SERPINA12: variants seen among roughly 807,000 people sequenced by gnomAD.
The protein encoded by SERPINA12 is serpin family A member 12, also known as serpin A12.
Under a neutral mutation model 25.9 loss-of-function variants are expected in SERPINA12, and 21 were observed. That is an observed-to-expected ratio of 0.81 (90% CI 0.58 to 1.17). The LOEUF (loss-of-function observed/expected upper bound fraction) is 1.17, where lower values mean the gene tolerates loss of function less well. Ranked by LOEUF, SERPINA12 falls within the 50% of genes most tolerant of loss-of-function variation. The probability of loss-of-function intolerance (pLI) is 0.00; values close to 1 mark genes in which losing one functional copy is unlikely to be tolerated. For synonymous variants in SERPINA12, 220 were observed against 196.0 expected, an observed-to-expected ratio of 1.12 and a Z score of -1.02; for missense variants, 562 against 508.3, an observed-to-expected ratio of 1.11 and a Z score of -1.02.
chr14:94,489,640 G>A lies in SERPINA12; in HGVS notation c.1033C>T (p.Arg345Cys), dbSNP rs369274676. The A allele has an allele frequency of 2.5e-5, 41 of 1,614,000 alleles. No individual in the cohort carries two copies. Among genetic ancestry groups the A allele is most frequent in the African/African-American group, 1.6e-4 (12 of 74,926 alleles). Residue 345 changes from arginine to cysteine, a missense_variant, in exon 4 of 5, where the codon CGC becomes TGC. Arg to Cys is a radical substitution (Grantham distance 180). Transcript: ENST00000677451. ...CTTACCTCGCCCACTTTCAGGCTGC[G>A]ATGAGGGGCGATCTTGGTGAGATCA... ...HGDLTKIAPH[R>C]SLKVGEAVHK...
rs74077728 is a variant in SERPINA12, at chr14:94,496,343, A to G, written c.905+30T>C. ...ATAAGAGGGAAGACAAGAGAAGGAA[A>G]AAGCTGCGAGGGCTAGGCACCCACT... On this transcript the variant is annotated intron_variant, in intron 3 of 4. Transcript: ENST00000677451. 4.5e-4 allele frequency: 718 copies of G among 1,613,318 alleles called. 1 individual carries two copies. In the African/African-American group the frequency reaches 5.2e-3, roughly 12 times the overall value.
chr14:94,501,072 C>A lies in SERPINA12; in HGVS notation c.-33-2642G>T, dbSNP rs191767025. On this transcript the variant is annotated intron_variant, in intron 1 of 4. Transcript: ENST00000677451. Reference sequence around the variant, plus strand: ...TGGTGATGAACAAGGGCTCTATGGGCTGCTGAAAACAGATTGTAGAAGAGA... The same window carrying A: ...TGGTGATGAACAAGGGCTCTATGGGATGCTGAAAACAGATTGTAGAAGAGA... 15 of 985,364 alleles carry A rather than the reference C, an allele frequency of 1.5e-5. No homozygotes were observed. In the East Asian group the frequency reaches 1.0e-3, roughly 67 times the overall value. 61.0% of individuals were successfully genotyped at this position (985,364 alleles called of 1,614,324 possible).
intron 1 of SERPINA12, among the ~76,000 whole-genome samples, chr14:94,516,910 G>A (rs536401985): frequency 6.6e-6 from 1 of 152,164 alleles, no homozygotes; most frequent in African/African-American, 2.4e-5. Flanking sequence ...AGTTTCTATA[G>A]GAAGGGCAGG....
At chr14:94,515,390 G>A (rs1901208000) in intron 2 of SERPINA12, among the ~76,000 whole-genome samples, 1 of 152,164 alleles carries the variant, frequency 6.6e-6, no homozygotes, top group Non-Finnish European at 1.5e-5. Context: ...CCCTGCAAGA[G>A]GCAATCAAAT....
At position 94,501,242 on chromosome 14, in the gene SERPINA12, C is replaced by A. The variant is rs1320353852; in HGVS notation, c.-33-2812G>T. 4 of 826,462 alleles carry A rather than the reference C, an allele frequency of 4.8e-6. No individual in the cohort carries two copies. In the East Asian group the frequency reaches 5.0e-4, roughly 102 times the overall value. 51.2% of individuals were successfully genotyped at this position (826,462 alleles called of 1,614,324 possible). On this transcript the variant is annotated intron_variant, in intron 1 of 4. Coordinates refer to ENST00000677451, the MANE Select transcript of SERPINA12 (RefSeq NM_001382267.1). Reference sequence around the variant, plus strand: ...TGCTATTCAGAGTGGGCGCAAGTTCCCAGTGCCTAGGAGTGGAGAAGTTAA... The same window carrying A: ...TGCTATTCAGAGTGGGCGCAAGTTCACAGTGCCTAGGAGTGGAGAAGTTAA...
At chr14:94,499,028 T>C (rs1900595858) in intron 1 of SERPINA12, among the ~76,000 whole-genome samples, 1 of 152,198 alleles carries the variant, frequency 6.6e-6, no homozygotes, top group Non-Finnish European at 1.5e-5. Flanking sequence ...GACTAACCTT[T>C]AACTCAGTTT....
At chr14:94,499,274 C>A (rs547614827) in intron 1 of SERPINA12, among the ~76,000 whole-genome samples, 17 of 152,144 alleles carry the variant, frequency 1.1e-4, no homozygotes, top group Non-Finnish European at 1.8e-4. Context: ...GAGGATGGCA[C>A]CATGGGAGAG....
At position 94,496,553 on chromosome 14, in the gene SERPINA12, A is replaced by T; in HGVS notation, c.725T>A (p.Phe242Tyr). The T allele has an allele frequency of 6.2e-7, 1 of 1,614,074 alleles. No homozygotes were observed. The change falls in exon 3 of 5, where the codon TTC (phenylalanine) becomes TAC (tyrosine). Residue 242 changes from phenylalanine (F) to tyrosine (Y), a missense_variant. Transcript: ENST00000677451. ...KNSSVKVPMM[F>Y]RSGIYQVGYD... ...GCCAACTTGGTATATGCCACTACGGAACATCATGGGCACCTTGACTGAACT... is the reference window on the plus strand; with the variant it reads ...GCCAACTTGGTATATGCCACTACGGTACATCATGGGCACCTTGACTGAACT...
chr14:94,490,450 G>A (rs369054946), intron 3 of SERPINA12, among the ~76,000 whole-genome samples: 22 of 152,018 alleles, frequency 1.4e-4, no homozygotes, highest in East Asian at 9.8e-4. Context: ...CTGGATTCCC[G>A]TTCACCTGGC....
At chr14:94,492,995 C>T (rs1900241198) in intron 3 of SERPINA12, among the ~76,000 whole-genome samples, 1 of 152,190 alleles carries the variant, frequency 6.6e-6, no homozygotes, top group African/African-American at 2.4e-5. Flanking sequence ...ATGTTCTACA[C>T]ACATGTAAGT....
chr14:94,515,505 G>A (rs1901211019), intron 2 of SERPINA12, among the ~76,000 whole-genome samples: 1 of 152,176 alleles, frequency 6.6e-6, no homozygotes, highest in African/African-American at 2.4e-5. Flanking sequence ...GCCCTACAGA[G>A]CCTCGCTCAT....
chr14:94,491,611 A>T (rs1900182528), intron 3 of SERPINA12, among the ~76,000 whole-genome samples: 1 of 152,104 alleles, frequency 6.6e-6, no homozygotes, highest in South Asian at 2.1e-4. Flanking sequence ...ACCAAATTCC[A>T]GATGTGGTTT....
At chr14:94,499,599 T>C (rs1161078716) in intron 1 of SERPINA12, among the ~76,000 whole-genome samples, 1 of 152,224 alleles carries the variant, frequency 6.6e-6, no homozygotes, top group Admixed American at 6.5e-5. Context: ...ATCTTACATG[T>C]CTGTAATCTG....
Position 94,497,867 on chromosome 14 carries a change from G to A in SERPINA12, c.531C>T (p.Ile177=). Residue 177 remains isoleucine, a synonymous_variant, in exon 2 of 5, where the codon ATC becomes ATT. Coordinates refer to ENST00000677451, the MANE Select transcript of SERPINA12 (RefSeq NM_001382267.1). The part of the protein sequence containing the change: ...FQNLEMAQKQ[I]NDFISQKTHG... Reference sequence around the variant, plus strand: ...GGGTTTTTTGACTGATAAAGTCATTGATCTGCTTCTGAGCCATTTCCAAAT... The same window carrying A: ...GGGTTTTTTGACTGATAAAGTCATTAATCTGCTTCTGAGCCATTTCCAAAT... 1.9e-6 allele frequency: 3 copies of A among 1,614,184 alleles called. No homozygotes were observed. Among genetic ancestry groups the A allele is most frequent in the Non-Finnish European group, 2.5e-6 (3 of 1,180,022 alleles).
rs1334779704 is a variant in SERPINA12, at chr14:94,487,446, C to T, written c.1102G>A (p.Ala368Thr). 1.2e-6 allele frequency: 2 copies of T among 1,614,046 alleles called. No homozygotes were observed. Among genetic ancestry groups the T allele is most frequent in the African/African-American group, 1.3e-5 (1 of 75,044 alleles). Residue 368 changes from alanine to threonine, a missense_variant, in exon 5 of 5, where the codon GCC (alanine) becomes ACC (threonine). Transcript: ENST00000677451. ...AGAGTCTGTGCTCCGGTGCCAGCGGCCCCTTCCGTACCCCTCTCATCCATC... is the reference window on the plus strand; with the variant it reads ...AGAGTCTGTGCTCCGGTGCCAGCGGTCCCTTCCGTACCCCTCTCATCCATC... ...LKMDERGTEG[A>T]AGTGAQTLPM... is the part of the protein sequence containing the mutation.
At chr14:94,493,954 G>A (rs186417899) in intron 3 of SERPINA12, among the ~76,000 whole-genome samples, 2 of 152,328 alleles carry the variant, frequency 1.3e-5, no homozygotes, top group East Asian at 1.9e-4. Context: ...TCAGTGAGGG[G>A]AATGTGAAGC....
At chr14:94,509,026 T>C (rs1901031038) in intron 1 of SERPINA12, among the ~76,000 whole-genome samples, 1 of 152,178 alleles carries the variant, frequency 6.6e-6, no homozygotes, top group East Asian at 1.9e-4. Context: ...TTCCTATAGC[T>C]GCACAGTTAG....
chr14:94,501,786 C>T (rs578016157), intron 1 of SERPINA12, among the ~76,000 whole-genome samples: 31 of 152,052 alleles, frequency 2.0e-4, no homozygotes, highest in Non-Finnish European at 4.0e-4. Flanking sequence ...GCCCTGGCTC[C>T]CTGAGTGCGA....
chr14:94,513,402 C>A (rs980204707), upstream of SERPINA12, among the ~76,000 whole-genome samples: 1 of 152,144 alleles, frequency 6.6e-6, no homozygotes, highest in South Asian at 2.1e-4. Context: ...TGAAGCAGAG[C>A]GGGAGGACCT....
Sources: gnomAD v4.1 joint callset for allele counts (sites outside exome capture counted in the v4.1 genomes callset) on GRCh38, gnomAD v4.1.1 for gene constraint, MANE v1.5 for transcripts, NCBI Gene and HGNC (gene_info 2026-07-23, HGNC 2026-07-21) for gene names.